PCDH9: variants seen among roughly 807,000 people sequenced by gnomAD.
PCDH9 encodes protocadherin 9, also known as protocadherin-9.
Under a neutral mutation model 70.6 loss-of-function variants are expected in PCDH9, and 24 were observed. That is an observed-to-expected ratio of 0.34 (90% CI 0.25 to 0.48). The LOEUF (loss-of-function observed/expected upper bound fraction) is 0.48. Among genes scored for constraint, PCDH9 ranks in the 20% least tolerant of loss-of-function variants. The pLI, the probability that PCDH9 is intolerant of heterozygous loss-of-function variation, is 0.99. For synonymous variants in PCDH9, 562 were observed against 558.5 expected (o/e 1.01, Z -0.09); for missense variants, 1,281 against 1,503.6 (o/e 0.85, Z 2.45).
intron 3 of PCDH9, among the ~76,000 whole-genome samples, chr13:66,831,056 T>C (rs904842259): frequency 4.6e-5 from 7 of 152,200 alleles, no homozygotes; most frequent in African/African-American, 1.7e-4. Flanking sequence ...GCTTGTTACA[T>C]ACAGACTCTA....
At chr13:66,760,880 C>T (rs896365838) in intron 3 of PCDH9, among the ~76,000 whole-genome samples, 2 of 152,038 alleles carry the variant, frequency 1.3e-5, no homozygotes, top group East Asian at 3.9e-4. Flanking sequence ...ATGAAATATG[C>T]CCTGGTCTCC....
rs1243760287 is a variant in PCDH9 at position 67,049,930 on chromosome 13, C to T, written c.3037-146325G>A. Among the ~76,000 whole-genome samples, 7 of 152,246 alleles carry T rather than the reference C, an allele frequency of 4.6e-5. No homozygotes were observed. In the East Asian group the frequency reaches 1.2e-3, roughly 25 times the overall value. On this transcript the variant is annotated intron_variant, in intron 2 of 4. Transcript: ENST00000377865. ...CCAACAGTTAGTGTTTGTTCTGTTT[C>T]TTGCCTTCTGAGAACAATGACTTCA...
rs933543207 is a variant in PCDH9, at chr13:67,052,294, C to T, written c.3037-148689G>A. On this transcript the variant is annotated intron_variant, in intron 2 of 4. Coordinates refer to ENST00000377865, the MANE Select transcript of PCDH9 (RefSeq NM_203487.3). ...CACTAAGGTGAGAGTATAAGTTAGC[C>T]CTTTAATAAGGGGTTAGGGAAAGGA... Among the ~76,000 whole-genome samples, 48 of 151,868 alleles carry T rather than the reference C, an allele frequency of 3.2e-4. 1 individual carries two copies. Among genetic ancestry groups the T allele is most frequent in the Non-Finnish European group, 1.5e-5 (1 of 67,978 alleles).
At chr13:66,983,484 G>T (rs2083819648) in intron 2 of PCDH9, among the ~76,000 whole-genome samples, 1 of 151,292 alleles carries the variant, frequency 6.6e-6, no homozygotes, top group South Asian at 2.1e-4. Context: ...AATGTAATTA[G>T]CCAAATATAA....
intron 4 of PCDH9, among the ~76,000 whole-genome samples, chr13:66,577,264 A>T (rs1199798771): frequency 6.6e-6 from 1 of 151,892 alleles, no homozygotes; most frequent in Non-Finnish European, 1.5e-5. Context: ...ATTTTAACAT[A>T]AAAAATATTA....
intron 2 of PCDH9, among the ~76,000 whole-genome samples, chr13:67,198,739 T>G (rs1263840727): frequency 6.6e-6 from 1 of 151,892 alleles, no homozygotes. Flanking sequence ...ACTAACTTGA[T>G]AATTCTGAAT....
intron 4 of PCDH9, among the ~76,000 whole-genome samples, chr13:66,426,593 C>T (rs1432055354): frequency 6.6e-6 from 1 of 151,424 alleles, no homozygotes; most frequent in Non-Finnish European, 1.5e-5. Context: ...TATGTGGACA[C>T]TAATATAATT....
chr13:66,517,194 C>T (rs930243268), intron 4 of PCDH9, among the ~76,000 whole-genome samples: 3 of 152,082 alleles, frequency 2.0e-5, no homozygotes, highest in African/African-American at 7.2e-5. Flanking sequence ...AACTTAAGAA[C>T]AATTTTTAGA....
chr13:66,669,589 G>A (rs1247095562), intron 3 of PCDH9, among the ~76,000 whole-genome samples: 3 of 152,086 alleles, frequency 2.0e-5, no homozygotes, highest in Admixed American at 1.3e-4. Flanking sequence ...ATGAGCAGCC[G>A]GAGCCTCTCT....
chr13:66,829,008 CTTTTTTTGT>C, intron 3 of PCDH9, among the ~76,000 whole-genome samples: 1 of 151,774 alleles, frequency 6.6e-6, no homozygotes, highest in Non-Finnish European at 1.5e-5. Context: ...TTCTGTGGGT[CTTTTTTTGT>C]TTTTTTGTTT....
intron 4 of PCDH9, among the ~76,000 whole-genome samples, chr13:66,531,168 G>A (rs1040071471): frequency 2.0e-5 from 3 of 150,250 alleles, no homozygotes; most frequent in African/African-American, 7.3e-5. Flanking sequence ...CTGCTTCTTT[G>A]GTAATATTGG....
intron 2 of PCDH9, among the ~76,000 whole-genome samples, chr13:67,086,972 C>T (rs2086119690): frequency 6.6e-6 from 1 of 150,782 alleles, no homozygotes; most frequent in South Asian, 2.1e-4. Context: ...GAGAATAAAA[C>T]TTTAATCCTC....
chr13:66,700,923 AATATATATATATATATATATAT>A (rs58852431), intron 3 of PCDH9, among the ~76,000 whole-genome samples: 42 of 58,452 alleles, frequency 7.2e-4, no homozygotes, highest in African/African-American at 1.2e-3. Context: ...TGTACATATA[AATATATATATATATATATATAT>A]ATATATATAT....
At chr13:67,113,794 G>A (rs773711016) in intron 2 of PCDH9, among the ~76,000 whole-genome samples, 3 of 152,036 alleles carry the variant, frequency 2.0e-5, no homozygotes, top group Non-Finnish European at 4.4e-5. Context: ...TGATCTGCCC[G>A]CCTCGGCCTC....
intron 4 of PCDH9, among the ~76,000 whole-genome samples, chr13:66,480,923 A>G (rs537677460): frequency 6.6e-6 from 1 of 152,300 alleles, no homozygotes; most frequent in East Asian, 1.9e-4. Flanking sequence ...ATGCCCATCA[A>G]TGATAGACTG....
At chr13:66,316,969 C>T (rs1285553985) in intron 4 of PCDH9, among the ~76,000 whole-genome samples, 2 of 152,112 alleles carry the variant, frequency 1.3e-5, no homozygotes, top group Admixed American at 6.6e-5. Flanking sequence ...CTGATCCAAC[C>T]TCCTCGGCCT....
chr13:66,870,522 A>T (rs1242843336), intron 3 of PCDH9, among the ~76,000 whole-genome samples: 2 of 152,214 alleles, frequency 1.3e-5, no homozygotes, highest in African/African-American at 4.8e-5. Flanking sequence ...ATCTACAGTG[A>T]ACTCAAACAA....
rs143112835 is a variant in PCDH9, at chr13:66,352,760, T to A, written c.3341-47732A>T. On this transcript the variant is annotated intron_variant, in intron 4 of 4. Transcript: ENST00000377865. Reference sequence around the variant, plus strand: ...ACATTTAGTACATAATAATAACCCATCTTGTCACTTTTTCTGTATAATGTG... The same window carrying A: ...ACATTTAGTACATAATAATAACCCAACTTGTCACTTTTTCTGTATAATGTG... 7.2e-5 allele frequency among the ~76,000 whole-genome samples: 11 copies of A among 152,272 alleles called. No individual in the cohort carries two copies. In the East Asian group the frequency reaches 2.1e-3, roughly 29 times the overall value.
At chr13:66,597,943 G>A (rs1215580195) in intron 4 of PCDH9, among the ~76,000 whole-genome samples, 1 of 151,478 alleles carries the variant, frequency 6.6e-6, no homozygotes, top group Non-Finnish European at 1.5e-5. Context: ...AAACAAAGAT[G>A]CATACAAATG....
Sources: allele counts gnomAD v4.1 joint callset (sites outside exome capture counted in the v4.1 genomes callset), GRCh38; gene constraint gnomAD v4.1.1; transcripts MANE v1.5; gene names NCBI Gene and HGNC (gene_info 2026-07-23, HGNC 2026-07-21).